The following GLT1D1 variants were observed in gnomAD, a reference collection of about 807,000 sequenced individuals.
GLT1D1 encodes glycosyltransferase 1 domain containing 1, also known as glycosyltransferase 1 domain-containing protein 1.
A neutral mutation model predicts 28.7 loss-of-function variants in GLT1D1; 21 were observed. The ratio of observed to expected loss-of-function variants is 0.73; its 90% confidence interval spans 0.52 to 1.05. The LOEUF is 1.05. Ranked by LOEUF, GLT1D1 falls within the 50% of genes least tolerant of loss-of-function variation. The pLI is 0.00. For synonymous variants in GLT1D1, 147 were observed against 124.8 expected (o/e 1.18, Z -1.19); for missense variants, 343 against 330.6 (o/e 1.04, Z -0.29).
intron 7 of GLT1D1, among the ~76,000 whole-genome samples, chr12:128,971,080 C>T (rs1303906409): frequency 6.6e-6 from 1 of 152,170 alleles, no homozygotes; most frequent in Non-Finnish European, 1.5e-5. Context: ...TTTTCAAAGT[C>T]GCAGATGACA....
At chr12:128,970,953 T>A (rs1878978030) in intron 7 of GLT1D1, among the ~76,000 whole-genome samples, 1 of 152,230 alleles carries the variant, frequency 6.6e-6, no homozygotes, top group Non-Finnish European at 1.5e-5. Context: ...AAGGGATGAT[T>A]ATGCCCCGGC....
Position 128,945,379 on chromosome 12 carries a change from G to C in GLT1D1, c.419+10G>C. 1 of 1,611,534 alleles carries C rather than the reference G, an allele frequency of 6.2e-7. No homozygotes were observed. Among genetic ancestry groups the C allele is most frequent in the South Asian group, 1.1e-5 (1 of 91,042 alleles). The stretch of plus-strand genomic sequence containing the variant: ...AAGCCAAAGTGAAAAGGTAAGAGTT[G>C]GTGGAGACCAGTCATTTTGCAGAAC... On this transcript the variant is annotated intron_variant, in intron 5 of 7. Transcript: ENST00000281703.
At chr12:128,934,536 A>G (rs1033385125) in intron 4 of GLT1D1, among the ~76,000 whole-genome samples, 3 of 152,114 alleles carry the variant, frequency 2.0e-5, no homozygotes, top group Admixed American at 6.6e-5. Flanking sequence ...GCATCTATGC[A>G]GTGTTTCCCT....
intron 7 of GLT1D1, among the ~76,000 whole-genome samples, chr12:128,960,936 G>A (rs575870290): frequency 2.6e-4 from 40 of 152,164 alleles, no homozygotes; most frequent in East Asian, 2.5e-3. Context: ...TTCTGCATTC[G>A]CTTTTATTTT....
intron 1 of GLT1D1, among the ~76,000 whole-genome samples, chr12:128,860,868 G>C (rs1956346443): frequency 6.6e-6 from 1 of 152,152 alleles, no homozygotes; most frequent in South Asian, 2.1e-4. Flanking sequence ...TGCCAGGAGA[G>C]CCAGGCCGTC....
At chr12:128,972,196 G>A (rs939181919) in intron 7 of GLT1D1, among the ~76,000 whole-genome samples, 1 of 152,204 alleles carries the variant, frequency 6.6e-6, no homozygotes, top group Non-Finnish European at 1.5e-5. Flanking sequence ...CAGGAGGGCA[G>A]CATTGGGAGA....
intron 4 of GLT1D1, among the ~76,000 whole-genome samples, chr12:128,932,731 C>T (rs921393586): frequency 6.6e-6 from 1 of 152,044 alleles, no homozygotes; most frequent in African/African-American, 2.4e-5. Flanking sequence ...GCGAGGCCGC[C>T]GGTCTTCAGC....
rs1013605586 is a variant in GLT1D1, at chr12:128,939,845, C to G, written c.376-5481C>G. 3.4e-5 allele frequency among the ~76,000 whole-genome samples: 5 copies of G among 145,362 alleles called. 1 individual carries two copies. The highest frequency in any genetic ancestry group is 5.3e-5 in the African/African-American group (2 of 38,000). On this transcript the variant is annotated intron_variant, in intron 4 of 7. Transcript: ENST00000281703. ...TTGCCAAATTGTTAGAAACCCCCCCCCACCGCCGATCCAATCACCTCCTAC... is the reference window on the plus strand; with the variant it reads ...TTGCCAAATTGTTAGAAACCCCCCCGCACCGCCGATCCAATCACCTCCTAC...
intron 4 of GLT1D1, among the ~76,000 whole-genome samples, chr12:128,941,261 G>A (rs1566155245): frequency 6.6e-6 from 1 of 152,128 alleles, no homozygotes; most frequent in Non-Finnish European, 1.5e-5. Context: ...AACTGTTTCT[G>A]CGAAGTCATC....
At chr12:128,978,694 G>A (rs190824932) in intron 7 of GLT1D1, among the ~76,000 whole-genome samples, 20 of 152,314 alleles carry the variant, frequency 1.3e-4, no homozygotes, top group African/African-American at 4.6e-4. Flanking sequence ...TAAAGTGAAA[G>A]CGAGTTTATT....
intron 4 of GLT1D1, among the ~76,000 whole-genome samples, chr12:128,905,365 G>A (rs1001309773): frequency 6.6e-6 from 1 of 152,212 alleles, no homozygotes; most frequent in Admixed American, 6.5e-5. Context: ...GTGTGCTCAG[G>A]GCAGCTCTGT....
At chr12:128,934,578 C>G (rs968012691) in intron 4 of GLT1D1, among the ~76,000 whole-genome samples, 4 of 152,226 alleles carry the variant, frequency 2.6e-5, no homozygotes, top group Non-Finnish European at 5.9e-5. Context: ...AGCCCTAGTT[C>G]GCAGGAGGTC....
At chr12:128,927,235 C>T in intron 4 of GLT1D1, 81 bp downstream of exon 8, 2 of 1,079,336 alleles carry the variant, frequency 1.9e-6, no homozygotes, top group Non-Finnish European at 2.7e-6. Flanking sequence ...AATCAGTTTA[C>T]ATTGCTCTTC....
intron 6 of GLT1D1, among the ~76,000 whole-genome samples, chr12:128,956,181 G>GAA (rs140786201): frequency 1.2e-5 from 1 of 83,428 alleles, no homozygotes; most frequent in Non-Finnish European, 2.2e-5. Context: ...AAGAGAAAGA[G>GAA]AGAAAGAAAG....
At chr12:128,874,944 A>G (rs1956836399) in intron 1 of GLT1D1, among the ~76,000 whole-genome samples, 1 of 151,954 alleles carries the variant, frequency 6.6e-6, no homozygotes, top group Non-Finnish European at 1.5e-5. Flanking sequence ...TGTTGTTGTC[A>G]CTATTGAAAA....
chr12:128,864,078 TGTGGGCAGGTCCCTGCAC>T, intron 1 of GLT1D1: 1 of 612,294 alleles, frequency 1.6e-6, no homozygotes, highest in Admixed American at 2.5e-5. Flanking sequence ...CTGTGTGCAC[TGTGGGCAGGTCCCTGCAC>T]GTGGAATGCT....
chr12:128,944,782 TA>T, intron 4 of GLT1D1: 1 of 422,506 alleles, frequency 2.4e-6, no homozygotes. Context: ...AAGCCTTGGC[TA>T]ACACGTCAAT....
At chr12:128,935,007 G>A (rs1031029511) in intron 4 of GLT1D1, among the ~76,000 whole-genome samples, 10 of 152,022 alleles carry the variant, frequency 6.6e-5, no homozygotes, top group Admixed American at 6.6e-5. Context: ...CTTCAAGGAC[G>A]GGGTCCAGGA....
intron 4 of GLT1D1, 76 bp downstream of exon 5, chr12:128,912,536 A>C (rs1031782953): frequency 1.6e-6 from 1 of 613,066 alleles, no homozygotes; most frequent in African/African-American, 1.9e-5. Context: ...GCATATTTAT[A>C]TGTGATAAAT....
Sources: allele counts gnomAD v4.1 joint callset (sites outside exome capture counted in the v4.1 genomes callset), GRCh38; gene constraint gnomAD v4.1.1; transcripts MANE v1.5; gene names NCBI Gene and HGNC (gene_info 2026-07-23, HGNC 2026-07-21).